Variants in LRCH1 observed in about 807,000 individuals in gnomAD.
LRCH1 encodes the protein leucine rich repeats and calponin homology domain containing 1.
In LRCH1, 23 loss-of-function variants were observed where a neutral mutation model predicts 94.9. That is an observed-to-expected ratio of 0.24 (90% CI 0.17 to 0.34). The LOEUF (loss-of-function observed/expected upper bound fraction) is 0.34, where lower values mean the gene tolerates loss of function less well. Ranked by LOEUF, LRCH1 falls within the 10% of genes least tolerant of loss-of-function variation. The probability of loss-of-function intolerance (pLI) is 1.00; values close to 1 mark genes in which losing one functional copy is unlikely to be tolerated. For synonymous variants in LRCH1, 364 were observed against 354.9 expected, an observed-to-expected ratio of 1.03 and a Z score of -0.29; for missense variants, 790 against 945.9, an observed-to-expected ratio of 0.84 and a Z score of 2.16.
At chr13:46,725,444 C>T (rs764440616) in intron 17 of LRCH1, among the ~76,000 whole-genome samples, 1 of 152,220 alleles carries the variant, frequency 6.6e-6, no homozygotes, top group Non-Finnish European at 1.5e-5. Context: ...CTGTCACTCT[C>T]TACCAGGCTG....
chr13:46,664,288 G>C (rs1593335428), intron 2 of LRCH1, among the ~76,000 whole-genome samples: 3 of 152,176 alleles, frequency 2.0e-5, no homozygotes, highest in African/African-American at 7.2e-5. Flanking sequence ...GTCAACAATG[G>C]ACCACATATG....
At chr13:46,656,059 C>T (rs842406) in intron 2 of LRCH1, among the ~76,000 whole-genome samples, 127,897 of 152,214 alleles carry the variant, frequency 0.84, 54,293 homozygotes, top group African/African-American at 0.96. Flanking sequence ...GCATTCTTTT[C>T]GGCTGCTGAA....
chr13:46,600,132 C>T (rs965275255), intron 1 of LRCH1, among the ~76,000 whole-genome samples: 20 of 144,312 alleles, frequency 1.4e-4, no homozygotes, highest in African/African-American at 4.4e-4. Flanking sequence ...GTGATCCACC[C>T]GCCTCAGGCC....
At chr13:46,644,511 A>G (rs1194124127) in intron 1 of LRCH1, among the ~76,000 whole-genome samples, 1 of 152,250 alleles carries the variant, frequency 6.6e-6, no homozygotes, top group Non-Finnish European at 1.5e-5. Flanking sequence ...AACAAAAAAA[A>G]GGAAAGCTTT....
At chr13:46,665,416 C>G (rs1394237846) in intron 2 of LRCH1, among the ~76,000 whole-genome samples, 1 of 152,086 alleles carries the variant, frequency 6.6e-6, no homozygotes, top group Non-Finnish European at 1.5e-5. Context: ...GTACTTGAAG[C>G]CAAGATAAAT....
At chr13:46,606,560 CTTGTTTTGTT>C (rs1042350202) in intron 1 of LRCH1, among the ~76,000 whole-genome samples, 5 of 151,956 alleles carry the variant, frequency 3.3e-5, no homozygotes, top group East Asian at 3.9e-4. Flanking sequence ...TGAAATAAGT[CTTGTTTTGTT>C]TTGTTTTGTT....
At chr13:46,705,001 AC>A (rs1871674799) in intron 11 of LRCH1, 66 bp from the exon 12 acceptor site, 11 of 838,484 alleles carry the variant, frequency 1.3e-5, no homozygotes, top group Non-Finnish European at 2.1e-5. Context: ...ACTGAATAAG[AC>A]CAATAGAATT....
At chr13:46,605,293 G>A (rs2050675354) in intron 1 of LRCH1, among the ~76,000 whole-genome samples, 1 of 152,110 alleles carries the variant, frequency 6.6e-6, no homozygotes, top group African/African-American at 2.4e-5. Flanking sequence ...TGTTTTCCTG[G>A]GCTGGGCTCC....
chr13:46,567,799 T>C (rs1294091986), intron 1 of LRCH1, among the ~76,000 whole-genome samples: 1 of 152,210 alleles, frequency 6.6e-6, no homozygotes, highest in Non-Finnish European at 1.5e-5. Context: ...GGCTAAGTCC[T>C]TGGAATCAGT....
chr13:46,729,440 C>G (rs1358938709), intron 18 of LRCH1, among the ~76,000 whole-genome samples: 1 of 150,890 alleles, frequency 6.6e-6, no homozygotes, highest in Non-Finnish European at 1.5e-5. Context: ...GTGGTCCCAG[C>G]AACTCAGGAG....
intron 13 of LRCH1, 147 bp downstream of exon 13, chr13:46,705,451 CT>C: frequency 1.2e-6 from 1 of 810,518 alleles, no homozygotes; most frequent in Admixed American, 1.8e-5. Flanking sequence ...CATTTTTCAA[CT>C]TGTTTATACG....
intron 1 of LRCH1, among the ~76,000 whole-genome samples, chr13:46,617,260 C>A (rs1225269113): frequency 6.6e-6 from 1 of 151,960 alleles, no homozygotes; most frequent in Non-Finnish European, 1.5e-5. Flanking sequence ...GGCAGAGGAG[C>A]AGAGGAGTGT....
chr13:46,648,149 C>T (rs1487860243), intron 1 of LRCH1, among the ~76,000 whole-genome samples: 2 of 152,192 alleles, frequency 1.3e-5, no homozygotes, highest in Admixed American at 6.6e-5. Context: ...GAGACAGTGA[C>T]AGATCATCAG....
intron 3 of LRCH1, 141 bp downstream of exon 3, chr13:46,669,297 A>C: frequency 1.1e-6 from 1 of 881,232 alleles, no homozygotes; most frequent in East Asian, 2.6e-5. Flanking sequence ...AAAGACATTA[A>C]GTGGGGAGAG....
intron 1 of LRCH1, among the ~76,000 whole-genome samples, chr13:46,616,460 T>G (rs1475322884): frequency 6.6e-6 from 1 of 152,198 alleles, no homozygotes; most frequent in Non-Finnish European, 1.5e-5. Flanking sequence ...CACGGTGAGA[T>G]ACAAGTTCCT....
chr13:46,686,111 C>T (rs1223423064), intron 5 of LRCH1, 70 bp downstream of exon 5: 3 of 1,348,782 alleles, frequency 2.2e-6, no homozygotes, highest in African/African-American at 1.5e-5. Flanking sequence ...GAAAATTTCC[C>T]CTTCACCCTC....
At chr13:46,611,136 C>T (rs1594284342) in intron 1 of LRCH1, among the ~76,000 whole-genome samples, 1 of 152,198 alleles carries the variant, frequency 6.6e-6, no homozygotes, top group Admixed American at 6.5e-5. Context: ...CTAGTGTCCC[C>T]GGTTGGTTTT....
chr13:46,696,350 C>T (rs1056499601), intron 9 of LRCH1, among the ~76,000 whole-genome samples: 38 of 152,076 alleles, frequency 2.5e-4, no homozygotes, highest in Non-Finnish European at 4.4e-4. Context: ...CTCTGTGGGA[C>T]GATTCTTCCA....
chr13:46,575,576 GC>G (rs2050295998), intron 1 of LRCH1, among the ~76,000 whole-genome samples: 1 of 149,030 alleles, frequency 6.7e-6, no homozygotes, highest in African/African-American at 2.5e-5. Context: ...ATTCCTACTT[GC>G]AAAAATCCTC....
Sources: allele counts gnomAD v4.1 joint callset (sites outside exome capture counted in the v4.1 genomes callset), GRCh38; gene constraint gnomAD v4.1.1; transcripts MANE v1.5; gene names NCBI Gene and HGNC (gene_info 2026-07-23, HGNC 2026-07-21).